NRTN: variants seen among roughly 807,000 people sequenced by gnomAD.
NRTN encodes neurturin.
NRTN carries 3 observed loss-of-function variants against 7.5 expected under a neutral mutation model. That is an observed-to-expected ratio of 0.40 (90% CI 0.18 to 1.03). NRTN has a LOEUF of 1.03. Ranked by LOEUF, NRTN falls within the 50% of genes least tolerant of loss-of-function variation. The pLI is 0.34. For missense variants in NRTN, 310 were observed against 307.0 expected (o/e 1.01, Z -0.07); for synonymous variants, 157 against 146.6 (o/e 1.07, Z -0.51).
intron 1 of NRTN, among the ~76,000 whole-genome samples, chr19:5,811,338 G>C (rs938792274): frequency 1.3e-5 from 2 of 152,144 alleles, no homozygotes; most frequent in Non-Finnish European, 2.9e-5. Context: ...GTAGGAGTTT[G>C]CTGACCACCT....
chr19:5,827,311 C>T lies in NRTN; in HGVS notation c.170-438C>T, dbSNP rs571586563. 1.1e-3 allele frequency among the ~76,000 whole-genome samples: 165 copies of T among 150,102 alleles called. 1 individual carries two copies. The South Asian group carries it at 0.034, about 31-fold the overall frequency. On this transcript the variant is annotated intron_variant, in intron 2 of 2. Transcript: ENST00000303212. ...GGATGCACCAGTGTCCTGGGGCAGC[C>T]CAGCATAGGGGCGGGGTCCAGATAG...
intron 1 of NRTN, among the ~76,000 whole-genome samples, chr19:5,815,922 T>G (rs1291548241): frequency 6.6e-6 from 1 of 151,378 alleles, no homozygotes; most frequent in Admixed American, 6.6e-5. Flanking sequence ...TTTTTGTATT[T>G]TTAGTAGAGA....
At chr19:5,820,416 A>T (rs1288510550) in intron 1 of NRTN, among the ~76,000 whole-genome samples, 30 of 137,394 alleles carry the variant, frequency 2.2e-4, no homozygotes, top group East Asian at 9.1e-4. Flanking sequence ...AATACAAAAA[A>T]TTAGCTGGGT....
Position 5,827,809 on chromosome 19 carries a change from C to A in NRTN, c.230C>A (p.Ala77Asp). ...AMELRELTPW[A>D]GRPPGPRRRA... ...GAGCTGCGCGAGCTGACGCCCTGGG[C>A]TGGGCGGCCCCCAGGTCCGCGCCGT... The change falls in exon 3 of 3, where the codon GCT becomes GAT. Residue 77 changes from alanine to aspartate, a missense_variant. Ala to Asp is a moderately radical substitution (Grantham distance 126). Transcript: ENST00000303212. The A allele has an allele frequency of 1.7e-6, 2 of 1,175,158 alleles. No individual in the cohort carries two copies. The highest frequency in any genetic ancestry group is 2.1e-6 in the Non-Finnish European group (2 of 951,966). The allele number at this position is 1,175,158 out of a possible 1,614,324, so 72.8% of individuals were successfully genotyped here. A position where few individuals can be genotyped will look rare whatever the true frequency, so the allele number is the denominator to read the frequency against.
At position 5,805,348 on chromosome 19, in the gene NRTN, C is replaced by T. The variant is rs1183972568; in HGVS notation, c.-502C>T. On this transcript the variant is annotated 5_prime_UTR_variant, in exon 1 of 3. Transcript: ENST00000303212. ...CCGCCCCCTCCGGCCCGGGCCCCCC[C>T]CGGGCACCGCGGGCCCAGGCGGCCC... 6.8e-6 allele frequency among the ~76,000 whole-genome samples: 1 copy of T among 146,314 alleles called. No individual in the cohort carries two copies. The highest frequency in any genetic ancestry group is 6.8e-5 in the Admixed American group (1 of 14,752).
intron 2 of NRTN, among the ~76,000 whole-genome samples, chr19:5,826,345 C>A (rs1270110966): frequency 6.6e-6 from 1 of 152,230 alleles, no homozygotes; most frequent in East Asian, 1.9e-4. Flanking sequence ...CGCCCACCCC[C>A]CGCACCGATT....
In NRTN at chr19:5,828,266, G is replaced by C. The variant is rs1599641656; in HGVS notation, c.*93G>C. On this transcript the variant is annotated 3_prime_UTR_variant, in exon 3 of 3. Coordinates refer to ENST00000303212, the MANE Select transcript of NRTN (RefSeq NM_004558.5). ...GAAAGACTGCGCGTGCGTAGAGCAC[G>C]CCGGCGCGGCCCCGGGACTCTCGCG... 2.2e-6 allele frequency: 3 copies of C among 1,365,388 alleles called. No individual in the cohort carries two copies. The highest frequency in any genetic ancestry group is 2.9e-6 in the Non-Finnish European group (3 of 1,019,788). The allele number at this position is 1,365,388 out of a possible 1,614,324, so 84.6% of individuals were successfully genotyped here.
At chr19:5,826,083 C>G (rs542775147) in intron 2 of NRTN, among the ~76,000 whole-genome samples, 5 of 151,578 alleles carry the variant, frequency 3.3e-5, no homozygotes, top group Non-Finnish European at 5.9e-5. Flanking sequence ...TGCAGTGAGC[C>G]GAGATCGCGC....
intron 1 of NRTN, among the ~76,000 whole-genome samples, chr19:5,809,796 G>A (rs900331953): frequency 6.6e-6 from 1 of 152,042 alleles, no homozygotes. Flanking sequence ...GGGTCTCAGC[G>A]CCACTGTTCT....
chr19:5,820,108 T>C (rs1456971215), intron 1 of NRTN, among the ~76,000 whole-genome samples: 1 of 144,080 alleles, frequency 6.9e-6, no homozygotes, highest in Non-Finnish European at 1.5e-5. Flanking sequence ...CTACTAAAAA[T>C]ACAAAAATTT....
intron 1 of NRTN, among the ~76,000 whole-genome samples, chr19:5,809,002 G>A (rs1393338994): frequency 2.6e-5 from 4 of 151,834 alleles, no homozygotes; most frequent in African/African-American, 7.2e-5. Flanking sequence ...TGATCCTCCC[G>A]CCTCGGCCTC....
At chr19:5,810,809 A>G (rs902127157) in intron 1 of NRTN, among the ~76,000 whole-genome samples, 18 of 151,698 alleles carry the variant, frequency 1.2e-4, no homozygotes, top group South Asian at 2.1e-4. Context: ...CGTGCCTGTA[A>G]TCCCAGCTAC....
At chr19:5,824,446 A>G in intron 2 of NRTN, 112 bp downstream of exon 2, 4 of 1,353,534 alleles carry the variant, frequency 3.0e-6, no homozygotes, top group Non-Finnish European at 4.1e-6. Flanking sequence ...AGATAGGGCC[A>G]GCCAGCCCCC....
chr19:5,808,566 G>C (rs924564990), intron 1 of NRTN, among the ~76,000 whole-genome samples: 1 of 152,152 alleles, frequency 6.6e-6, no homozygotes, highest in African/African-American at 2.4e-5. Flanking sequence ...GGTGCCGGTG[G>C]GGGACTGCGG....
rs1199730979 is a variant in NRTN, at chr19:5,824,127, G to A, written c.-39G>A. On this transcript the variant is annotated 5_prime_UTR_variant, in exon 2 of 3. Transcript: ENST00000303212. The stretch of plus-strand genomic sequence containing the variant: ...CCCGTTGGCTGCTGGAGGGACAGAC[G>A]GGGCGTGCGGCTGACCATCCCGTGC... The A allele has an allele frequency of 8.7e-6, 14 of 1,600,156 alleles. No homozygotes were observed. The highest frequency in any genetic ancestry group is 1.1e-5 in the Non-Finnish European group (13 of 1,179,626).
chr19:5,820,494 A>G (rs1300527606), intron 1 of NRTN, among the ~76,000 whole-genome samples: 5 of 148,472 alleles, frequency 3.4e-5, no homozygotes, highest in Non-Finnish European at 7.4e-5. Flanking sequence ...TGAACCCAGG[A>G]GGCGGAGGTT....
intron 1 of NRTN, among the ~76,000 whole-genome samples, chr19:5,823,299 C>T (rs2057032679): frequency 6.6e-6 from 1 of 152,030 alleles, no homozygotes; most frequent in African/African-American, 2.4e-5. Flanking sequence ...TGCCTGTAAT[C>T]CCAGCTACTC....
At chr19:5,810,800 G>C (rs943745433) in intron 1 of NRTN, among the ~76,000 whole-genome samples, 1 of 151,706 alleles carries the variant, frequency 6.6e-6, no homozygotes, top group Non-Finnish European at 1.5e-5. Context: ...ATGGTGGCTC[G>C]TGCCTGTAAT....
chr19:5,805,498 C>A (rs989319466), intron 1 of NRTN, among the ~76,000 whole-genome samples, 47 bp downstream of exon 1: 1 of 151,674 alleles, frequency 6.6e-6, no homozygotes, highest in South Asian at 2.1e-4. Context: ...CAGGGTACGA[C>A]GGGGACGACC....
Sources: allele counts gnomAD v4.1 joint callset (sites outside exome capture counted in the v4.1 genomes callset), GRCh38; gene constraint gnomAD v4.1.1; transcripts MANE v1.5; gene names NCBI Gene and HGNC (gene_info 2026-07-23, HGNC 2026-07-21).